TNFRSF19: variants seen among roughly 807,000 people sequenced by gnomAD.
The protein encoded by TNFRSF19 is tumor necrosis factor receptor superfamily member 19.
In TNFRSF19, 27 loss-of-function variants were observed where a neutral mutation model predicts 46.4. That is an observed-to-expected ratio of 0.58 (90% CI 0.43 to 0.80). TNFRSF19 has a LOEUF of 0.80. Ranked by LOEUF, TNFRSF19 falls within the 30% of genes least tolerant of loss-of-function variation. The pLI is 0.00. For synonymous variants in TNFRSF19, 204 were observed against 205.0 expected (o/e 1.00, Z 0.04); for missense variants, 511 against 530.8 (o/e 0.96, Z 0.37).
At chr13:23,620,133 C>T (rs907621956) in intron 4 of TNFRSF19, among the ~76,000 whole-genome samples, 1 of 152,138 alleles carries the variant, frequency 6.6e-6, no homozygotes, top group Admixed American at 6.5e-5. Context: ...GTGACTTTTA[C>T]CCAGGTCTTT....
At chr13:23,622,212 G>A (rs1868636321) in intron 4 of TNFRSF19, among the ~76,000 whole-genome samples, 1 of 152,002 alleles carries the variant, frequency 6.6e-6, no homozygotes, top group African/African-American at 2.4e-5. Context: ...GACCTGTCTG[G>A]CCAACATAGT....
intron 5 of TNFRSF19, among the ~76,000 whole-genome samples, chr13:23,634,424 A>C (rs994709645): frequency 7.2e-5 from 11 of 152,300 alleles, no homozygotes; most frequent in African/African-American, 2.6e-4. Context: ...ATATTTACTC[A>C]CAATCAACAG....
At chr13:23,630,501 A>G (rs1310217194) in intron 5 of TNFRSF19, among the ~76,000 whole-genome samples, 1 of 152,048 alleles carries the variant, frequency 6.6e-6, no homozygotes, top group Non-Finnish European at 1.5e-5. Context: ...TAATCCTCCC[A>G]TAGCCCGTCT....
intron 4 of TNFRSF19, among the ~76,000 whole-genome samples, chr13:23,620,623 AG>A (rs1157936952): frequency 6.6e-6 from 1 of 152,230 alleles, no homozygotes; most frequent in Non-Finnish European, 1.5e-5. Flanking sequence ...AGGCATGTAA[AG>A]TGCCTAGCAG....
At chr13:23,625,326 CT>C (rs67965421) in intron 4 of TNFRSF19, among the ~76,000 whole-genome samples, 1,590 of 107,278 alleles carry the variant, frequency 0.015, 6 homozygotes, top group Middle Eastern at 0.023. Context: ...TGATTGTATT[CT>C]TTTTTTTTTT....
chr13:23,597,336 G>A (rs1593242731), intron 3 of TNFRSF19, among the ~76,000 whole-genome samples: 1 of 151,944 alleles, frequency 6.6e-6, no homozygotes, highest in East Asian at 1.9e-4. Flanking sequence ...TAACAAAATA[G>A]ATAGATCGCT....
At chr13:23,615,198 G>A (rs1253399308) in intron 3 of TNFRSF19, among the ~76,000 whole-genome samples, 1 of 152,214 alleles carries the variant, frequency 6.6e-6, no homozygotes, top group Non-Finnish European at 1.5e-5. Context: ...ATGATTGTAT[G>A]TGGGTCAGAG....
At chr13:23,600,335 G>A (rs1043351452) in intron 3 of TNFRSF19, among the ~76,000 whole-genome samples, 37 of 152,202 alleles carry the variant, frequency 2.4e-4, no homozygotes, top group Admixed American at 2.4e-3. Flanking sequence ...TGCTGCAGAA[G>A]CCTCCCCTGG....
At chr13:23,611,911 A>C (rs573228337) in intron 3 of TNFRSF19, among the ~76,000 whole-genome samples, 1 of 152,312 alleles carries the variant, frequency 6.6e-6, no homozygotes, top group Non-Finnish European at 1.5e-5. Flanking sequence ...GATATGGAGC[A>C]CTGTCCAAGA....
chr13:23,669,659 G>A, intron 9 of TNFRSF19: 1 of 985,310 alleles, frequency 1.0e-6, no homozygotes, highest in South Asian at 4.7e-5. Flanking sequence ...GACCCTCTCA[G>A]GTGGAATGGT....
chr13:23,615,874 G>T lies in TNFRSF19; in HGVS notation c.188G>T (p.Gly63Val), dbSNP rs1424551864. The T allele has an allele frequency of 1.9e-6, 3 of 1,600,384 alleles. No individual in the cohort carries two copies. The Admixed American group carries it at 5.1e-5, about 27-fold the overall frequency. ...ACCCGTTAATCCCCACAGGAATGTG[G>T]CTTCGGCTATGGGGAGGATGCACAG... ...GPGMELSKEC[G>V]FGYGEDAQCV... is the part of the protein sequence containing the mutation. Residue 63 changes from glycine to valine, a missense_variant, in exon 4 of 10, where the codon GGC (glycine) becomes GTC (valine). Around this residue, in one of 3 missense-constraint regions of TNFRSF19, gnomAD observed 121 missense variants for 124.1 expected, o/e 0.98. Coordinates refer to ENST00000248484, the MANE Select transcript of TNFRSF19 (RefSeq NM_148957.4).
chr13:23,648,590 T>C (rs1883459744), intron 5 of TNFRSF19, among the ~76,000 whole-genome samples: 1 of 152,196 alleles, frequency 6.6e-6, no homozygotes. Flanking sequence ...TTTTCTTGAG[T>C]AATTTCTCTG....
chr13:23,607,925 T>A (rs1051870750), intron 3 of TNFRSF19, among the ~76,000 whole-genome samples: 1 of 152,206 alleles, frequency 6.6e-6, no homozygotes, highest in Non-Finnish European at 1.5e-5. Context: ...TAATTATTAT[T>A]TTCTTTGGAA....
At chr13:23,590,484 AC>A (rs1879191893) in intron 2 of TNFRSF19, among the ~76,000 whole-genome samples, 1 of 152,008 alleles carries the variant, frequency 6.6e-6, no homozygotes, top group Non-Finnish European at 1.5e-5. Context: ...ACAGGCACCC[AC>A]CACCACTCCC....
chr13:23,663,872 T>A (rs1951572001), intron 7 of TNFRSF19, among the ~76,000 whole-genome samples: 2 of 152,172 alleles, frequency 1.3e-5, no homozygotes, highest in African/African-American at 4.8e-5. Context: ...TTGTAGTTTT[T>A]AATTGTGTTT....
intron 3 of TNFRSF19, among the ~76,000 whole-genome samples, chr13:23,614,746 C>CATATATATATATATATATATAAAT (rs1881146478): frequency 7.4e-6 from 1 of 134,866 alleles, no homozygotes; most frequent in Non-Finnish European, 1.6e-5. Flanking sequence ...ATAAGTAATA[C>CATATATATATATATATATATAAAT]ATATATATAT....
rs533347764 is a variant in TNFRSF19, at chr13:23,584,978, A to G, written c.-34-5172A>G. On this transcript the variant is annotated intron_variant, in intron 1 of 9. Transcript: ENST00000248484. The stretch of plus-strand genomic sequence containing the variant: ...TAGCATTACTCTAAATTTCTAATTA[A>G]TGTTTTATTCTCTTTGCATGTGGGA... Among the ~76,000 whole-genome samples the G allele has an allele frequency of 7.9e-5, 12 of 152,318 alleles. No homozygotes were observed. In the South Asian group the frequency reaches 2.1e-3, roughly 26 times the overall value.
chr13:23,586,333 G>A (rs2138165814), intron 1 of TNFRSF19, among the ~76,000 whole-genome samples: 1 of 152,018 alleles, frequency 6.6e-6, no homozygotes, highest in Admixed American at 6.5e-5. Context: ...GGAGTAACAA[G>A]GTAATTATAG....
chr13:23,574,627 G>A (rs995251597), intron 1 of TNFRSF19, among the ~76,000 whole-genome samples: 6 of 152,204 alleles, frequency 3.9e-5, no homozygotes, highest in South Asian at 4.1e-4. Context: ...TGGTTTAGTC[G>A]GATTCTCTTT....
Sources: gnomAD v4.1 joint callset for allele counts (sites outside exome capture counted in the v4.1 genomes callset) on GRCh38, gnomAD v4.1.1 for gene constraint, gnomAD v4.1.1 regional missense constraint, MANE v1.5 for transcripts, NCBI Gene and HGNC (gene_info 2026-07-23, HGNC 2026-07-21) for gene names.